KDM7A: variants seen among roughly 807,000 people sequenced by gnomAD.
The protein encoded by KDM7A is lysine demethylase 7A, also known as lysine-specific demethylase 7A.
Under a neutral mutation model 114.8 loss-of-function variants are expected in KDM7A, and 28 were observed. The observed-to-expected ratio is 0.24, with a 90% CI of 0.18 to 0.33. KDM7A has a LOEUF of 0.33. Ranked by LOEUF, KDM7A falls within the 10% of genes least tolerant of loss-of-function variation. The pLI is 1.00. For synonymous variants in KDM7A, 423 were observed against 397.8 expected (o/e 1.06, Z -0.75); for missense variants, 942 against 1,142.5 (o/e 0.82, Z 2.53).
chr7:140,097,024 C>T lies in KDM7A; in HGVS notation c.2040G>A (p.Glu680=), dbSNP rs1818126999. ...TALKSIFTTE[E]SESSGDEKKQ... ...TCTTTTCATCACCTGAACTTTCAGA[C>T]TCTTCAGTGGTAAAGATACTTTTCT... Residue 680 remains glutamate (E), a synonymous_variant, in exon 16 of 20, where the codon GAG becomes GAA. Coordinates refer to ENST00000397560, the MANE Select transcript of KDM7A (RefSeq NM_030647.2). The T allele has an allele frequency of 1.2e-6, 2 of 1,612,218 alleles. No homozygotes were observed. Among genetic ancestry groups the T allele is most frequent in the East Asian group, 2.2e-5 (1 of 44,796 alleles).
rs1794709884 is a variant in KDM7A, at chr7:140,176,481, T to C, written c.194+263A>G. Reference sequence around the variant, plus strand: ...GCCCCAGGCTCCCCCTGCCAACTTATCCGCCGGCCCTCTTTGTTCGTGTTT... The same window carrying C: ...GCCCCAGGCTCCCCCTGCCAACTTACCCGCCGGCCCTCTTTGTTCGTGTTT... On this transcript the variant is annotated intron_variant, in intron 1 of 19. Transcript: ENST00000397560. This position sits in a 1 kb window ranked among gnomAD's most constrained non-coding sequence, Gnocchi z 4.4. Among the ~76,000 whole-genome samples, 1 of 146,162 alleles carries C rather than the reference T, an allele frequency of 6.8e-6. No individual in the cohort carries two copies. The highest frequency in any genetic ancestry group is 6.8e-5 in the Admixed American group (1 of 14,788).
intron 10 of KDM7A, among the ~76,000 whole-genome samples, chr7:140,111,680 C>T (rs1462953509): frequency 2.0e-5 from 3 of 152,118 alleles, no homozygotes; most frequent in East Asian, 3.8e-4. Flanking sequence ...AGGGGAAGGC[C>T]GGGCGCAGTG....
chr7:140,154,578 G>A lies in KDM7A; in HGVS notation c.195-15388C>T, dbSNP rs148845887. 4.4e-3 allele frequency among the ~76,000 whole-genome samples: 660 copies of A among 151,116 alleles called. 8 individuals carry two copies. The highest frequency in any genetic ancestry group is 0.015 in the African/African-American group (610 of 41,192). On this transcript the variant is annotated intron_variant, in intron 1 of 19. Coordinates refer to ENST00000397560, the MANE Select transcript of KDM7A (RefSeq NM_030647.2). ...TATTCACAAAAAGATTCCACAGTTC[G>A]TAAGAGAAACATAAGGGAGACACTG...
chr7:140,127,030 G>A (rs1818716666), intron 5 of KDM7A, among the ~76,000 whole-genome samples: 1 of 152,186 alleles, frequency 6.6e-6, no homozygotes, highest in South Asian at 2.1e-4. Context: ...CGCGATCCTG[G>A]CTCACTGCAA....
intron 2 of KDM7A, among the ~76,000 whole-genome samples, chr7:140,134,346 G>A (rs998397912): frequency 1.3e-5 from 2 of 152,138 alleles, no homozygotes; most frequent in Non-Finnish European, 2.9e-5. Flanking sequence ...ATCTTGGGCA[G>A]GTCACTTAAC....
At chr7:140,130,225 T>C (rs1818763607) in intron 3 of KDM7A, among the ~76,000 whole-genome samples, 1 of 152,218 alleles carries the variant, frequency 6.6e-6, no homozygotes, top group South Asian at 2.1e-4. Flanking sequence ...CAACTAGTTG[T>C]AATGAACGGT....
chr7:140,154,159 G>A (rs1794432132), intron 1 of KDM7A, among the ~76,000 whole-genome samples: 1 of 152,166 alleles, frequency 6.6e-6, no homozygotes, highest in South Asian at 2.1e-4. Flanking sequence ...GCAAGGACTG[G>A]CTCTACAGCA....
intron 1 of KDM7A, among the ~76,000 whole-genome samples, chr7:140,149,539 T>C (rs978200205): frequency 4.6e-5 from 7 of 152,200 alleles, no homozygotes; most frequent in African/African-American, 1.7e-4. Flanking sequence ...TGTCCTGTGG[T>C]GAAAAGGACA....
chr7:140,112,836 AG>A (rs1818455191), intron 10 of KDM7A, among the ~76,000 whole-genome samples: 2 of 152,234 alleles, frequency 1.3e-5, no homozygotes, highest in African/African-American at 2.4e-5. Flanking sequence ...TGGATGCATA[AG>A]GGAAGGAAAC....
intron 2 of KDM7A, among the ~76,000 whole-genome samples, chr7:140,134,445 G>T (rs1308291696): frequency 6.6e-6 from 1 of 152,128 alleles, no homozygotes; most frequent in Non-Finnish European, 1.5e-5. Flanking sequence ...CTTCACAAAG[G>T]GGAGATGGGG....
In KDM7A at chr7:140,091,290, T is replaced by C; in HGVS notation, c.2732-102A>G. 4.9e-6 allele frequency: 4 copies of C among 810,028 alleles called. No individual in the cohort carries two copies. The South Asian group carries it at 5.7e-5, about 12-fold the overall frequency. The allele number at this position is 810,028 out of a possible 1,614,324, so 50.2% of individuals were successfully genotyped here. ...GCTTTCTTTATGGGAAGTAAGCCCT[T>C]AGGTGTTCTGCATGGACAGAGTCAT... On this transcript the variant is annotated intron_variant, in intron 19 of 19. Coordinates refer to ENST00000397560, the MANE Select transcript of KDM7A (RefSeq NM_030647.2).
At chr7:140,167,128 G>A (rs893470373) in intron 1 of KDM7A, among the ~76,000 whole-genome samples, 3 of 151,906 alleles carry the variant, frequency 2.0e-5, no homozygotes, top group African/African-American at 7.3e-5. Context: ...AATAAAAGAG[G>A]TAATACTATT....
intron 3 of KDM7A, among the ~76,000 whole-genome samples, chr7:140,131,824 G>A (rs1391628693): frequency 6.6e-6 from 1 of 152,060 alleles, no homozygotes; most frequent in Admixed American, 6.6e-5. Context: ...TTTGCAAGAG[G>A]AAAATCTGGA....
intron 2 of KDM7A, among the ~76,000 whole-genome samples, chr7:140,138,593 G>T (rs1055989659): frequency 9.9e-5 from 15 of 152,088 alleles, no homozygotes; most frequent in Non-Finnish European, 2.2e-4. Flanking sequence ...GGGGTTTCAG[G>T]CAGAGAGGAT....
At chr7:140,144,202 C>T (rs921633285) in intron 1 of KDM7A, among the ~76,000 whole-genome samples, 27 of 152,184 alleles carry the variant, frequency 1.8e-4, no homozygotes, top group African/African-American at 6.3e-4. Context: ...GAAATAAACT[C>T]TTACATTTGT....
At chr7:140,115,314 A>C (rs1818508254) in intron 9 of KDM7A, among the ~76,000 whole-genome samples, 1 of 152,232 alleles carries the variant, frequency 6.6e-6, no homozygotes, top group South Asian at 2.1e-4. Flanking sequence ...GCTCATTGAG[A>C]TCGGGCCATG....
chr7:140,123,691 C>T (rs1257808515), intron 7 of KDM7A, among the ~76,000 whole-genome samples: 2 of 152,106 alleles, frequency 1.3e-5, no homozygotes, highest in Non-Finnish European at 2.9e-5. Flanking sequence ...TGGACTTTTG[C>T]ATTAGGGATG....
rs1427659216 is a variant in KDM7A at position 140,088,722 on chromosome 7, T to G, written c.*2372A>C. On this transcript the variant is annotated 3_prime_UTR_variant, in exon 20 of 20. Transcript: ENST00000397560. ...AAAGTTTTCTAACTTAGCCACTTATTAAGGGGCTAAAACTACTAAAAATGA... is the reference window on the plus strand; with the variant it reads ...AAAGTTTTCTAACTTAGCCACTTATGAAGGGGCTAAAACTACTAAAAATGA... The G allele has an allele frequency of 7.7e-6, 3 of 387,522 alleles. No homozygotes were observed. Among genetic ancestry groups the G allele is most frequent in the East Asian group, 3.7e-5 (1 of 27,392 alleles). 24.0% of individuals were successfully genotyped at this position (387,522 alleles called of 1,614,324 possible). A position where few individuals can be genotyped will look rare whatever the true frequency, so the allele number is the denominator to read the frequency against.
In KDM7A at chr7:140,088,274, T is replaced by C. The variant is rs1562941895; in HGVS notation, c.*2820A>G. ...TTATATTGTTTACATCACTCATCAA[T>C]ATTGAAAAGCATAATATTATGTGAC... On this transcript the variant is annotated 3_prime_UTR_variant, in exon 20 of 20. Transcript: ENST00000397560. 2 of 369,386 alleles carry C rather than the reference T, an allele frequency of 5.4e-6. No homozygotes were observed. The highest frequency in any genetic ancestry group is 9.6e-6 in the Non-Finnish European group (2 of 207,866). 22.9% of individuals were successfully genotyped at this position (369,386 alleles called of 1,614,324 possible). A position where few individuals can be genotyped will look rare whatever the true frequency, so the allele number is the denominator to read the frequency against.
Sources: gnomAD v4.1 joint callset for allele counts (sites outside exome capture counted in the v4.1 genomes callset) on GRCh38, gnomAD v4.1.1 for gene constraint, Gnocchi (gnomAD v3.1) non-coding constraint, MANE v1.5 for transcripts, NCBI Gene and HGNC (gene_info 2026-07-23, HGNC 2026-07-21) for gene names.